FBXO31: variants seen among roughly 807,000 people sequenced by gnomAD.
FBXO31 encodes the protein F-box only protein 31.
Under a neutral mutation model 54.4 loss-of-function variants are expected in FBXO31, and 24 were observed. The ratio of observed to expected loss-of-function variants is 0.44; its 90% CI spans 0.32 to 0.62. The LOEUF is 0.62. Among genes scored for constraint, FBXO31 ranks in the 20% least tolerant of loss-of-function variants. FBXO31 has a pLI of 0.05. For synonymous variants in FBXO31, 388 were observed against 335.6 expected (o/e 1.16, Z -1.71); for missense variants, 665 against 787.1 (o/e 0.84, Z 1.86).
chr16:87,389,221 C>T (rs768590691), intron 1 of FBXO31, among the ~76,000 whole-genome samples: 20 of 152,144 alleles, frequency 1.3e-4, no homozygotes, highest in Non-Finnish European at 2.6e-4. Flanking sequence ...TATGAGCCAT[C>T]TTTAAACCCC....
rs536122266 is a variant in FBXO31 at position 87,344,988 on chromosome 16, C to T, written c.490-1223G>A. Among the ~76,000 whole-genome samples the T allele has an allele frequency of 1.1e-3, 162 of 152,186 alleles. 1 individual carries two copies. The highest frequency in any genetic ancestry group is 1.5e-3 in the Non-Finnish European group (101 of 67,968). ...GGCAGAGCCCATCCCTGCCCCGAAC[C>T]CCACCTGGGGGCAGAGCCCATCCCT... On this transcript the variant is annotated intron_variant, in intron 3 of 8. Coordinates refer to ENST00000311635, the MANE Select transcript of FBXO31 (RefSeq NM_024735.5).
intron 5 of FBXO31, among the ~76,000 whole-genome samples, chr16:87,342,316 A>T (rs1298410180): frequency 6.6e-6 from 1 of 152,090 alleles, no homozygotes; most frequent in African/African-American, 2.4e-5. Flanking sequence ...CAGCCTCCCA[A>T]AGAGCTGGGA....
intron 5 of FBXO31, among the ~76,000 whole-genome samples, chr16:87,337,724 G>A (rs1650635233): frequency 6.6e-6 from 1 of 151,936 alleles, no homozygotes; most frequent in South Asian, 2.1e-4. Flanking sequence ...TGGAGAAGAA[G>A]GAACCACGAC....
In FBXO31 at chr16:87,335,275, C is replaced by A. The variant is rs1208406407; in HGVS notation, c.996+29G>T. ...CCACTTGGGCCAGGTGCCCCCAGAG[C>A]CCCACCAACCAGGTCAGCCGCCACT... is the stretch of plus-strand genomic sequence containing the variant. On this transcript the variant is annotated intron_variant, in intron 7 of 8. Transcript: ENST00000311635. The surrounding 1 kb of genome is among the most constrained non-coding windows in gnomAD (Gnocchi z 5.7). 1.9e-6 allele frequency: 3 copies of A among 1,610,888 alleles called. No individual in the cohort carries two copies. The highest frequency in any genetic ancestry group is 3.3e-5 in the Admixed American group (2 of 60,028).
At chr16:87,376,821 G>C (rs897941043) in intron 1 of FBXO31, among the ~76,000 whole-genome samples, 4 of 152,194 alleles carry the variant, frequency 2.6e-5, no homozygotes, top group Non-Finnish European at 5.9e-5. Context: ...TTTCTCACTT[G>C]AACTGGCCTG....
chr16:87,343,373 TCTAA>T (rs1184768385), intron 4 of FBXO31, among the ~76,000 whole-genome samples: 6 of 152,220 alleles, frequency 3.9e-5, no homozygotes, highest in Non-Finnish European at 7.3e-5. Flanking sequence ...AAACAGCGGC[TCTAA>T]CTGAGAGCAG....
chr16:87,336,332 C>T lies in FBXO31; in HGVS notation c.733-68G>A, dbSNP rs758654115. On this transcript the variant is annotated intron_variant, in intron 5 of 8. Transcript: ENST00000311635. This position sits in a 1 kb window ranked among gnomAD's most constrained non-coding sequence, Gnocchi z 6.5. Reference sequence around the variant, plus strand: ...GCTGTGAAGAGGCTGCCGGCTGTGCCGCTGAGAGGACACAGTGTGTCCTTC... The same window carrying T: ...GCTGTGAAGAGGCTGCCGGCTGTGCTGCTGAGAGGACACAGTGTGTCCTTC... 8.6e-6 allele frequency: 12 copies of T among 1,402,144 alleles called. No homozygotes were observed. Among genetic ancestry groups the T allele is most frequent in the African/African-American group, 1.4e-5 (1 of 71,018 alleles). 86.9% of individuals were successfully genotyped at this position (1,402,144 alleles called of 1,614,324 possible).
At position 87,331,020 on chromosome 16, in the gene FBXO31, G is replaced by C. The variant is rs1054922798; in HGVS notation, c.*268C>G. 2.4e-6 allele frequency: 1 copy of C among 416,532 alleles called. No individual in the cohort carries two copies. The highest frequency in any genetic ancestry group is 2.0e-5 in the African/African-American group (1 of 49,704). 25.8% of individuals were successfully genotyped at this position (416,532 alleles called of 1,614,324 possible). A position where few individuals can be genotyped will look rare whatever the true frequency, so the allele number is the denominator to read the frequency against. On this transcript the variant is annotated 3_prime_UTR_variant, in exon 9 of 9. Coordinates refer to ENST00000311635, the MANE Select transcript of FBXO31 (RefSeq NM_024735.5). ...CGCTTCAATTCTCACGCGGTCCCAC[G>C]GCTGTCCCCTACATCTGCTGTATTC...
Position 87,333,608 on chromosome 16 carries a change from G to A in FBXO31, c.1397+278C>T, listed in dbSNP as rs1294335882. Among the ~76,000 whole-genome samples the A allele has an allele frequency of 2.6e-5, 4 of 152,344 alleles. No individual in the cohort carries two copies. The East Asian group carries it at 5.8e-4, about 22-fold the overall frequency. On this transcript the variant is annotated intron_variant, in intron 8 of 8. Transcript: ENST00000311635. The stretch of plus-strand genomic sequence containing the variant: ...GGGAGCGGCACTATTGCAGGGATGT[G>A]AGGCATCTGGAAGCCTCATGCCCCT...
rs1405832980 is a variant in FBXO31 at position 87,331,163 on chromosome 16, G to GC, written c.*124dup. 4 of 862,226 alleles carry GC rather than the reference G, an allele frequency of 4.6e-6. No individual in the cohort carries two copies. The highest frequency in any genetic ancestry group is 3.6e-6 in the Non-Finnish European group (2 of 549,654). The allele number at this position is 862,226 out of a possible 1,614,324, so 53.4% of individuals were successfully genotyped here. The stretch of plus-strand genomic sequence containing the variant: ...AAGTGCTGGGGGGTGGCTGGACTGG[G>GC]CCCCCCGACGAGGTGTGCGTTCTGG... On this transcript the variant is annotated 3_prime_UTR_variant, in exon 9 of 9. Coordinates refer to ENST00000311635, the MANE Select transcript of FBXO31 (RefSeq NM_024735.5).
At chr16:87,375,123 G>A (rs1221443808) in intron 1 of FBXO31, among the ~76,000 whole-genome samples, 2 of 152,106 alleles carry the variant, frequency 1.3e-5, no homozygotes, top group East Asian at 1.9e-4. Flanking sequence ...TCAAGAACAC[G>A]GTTAAACCCC....
At chr16:87,356,439 C>T (rs1905895894) in intron 2 of FBXO31, among the ~76,000 whole-genome samples, 1 of 152,066 alleles carries the variant, frequency 6.6e-6, no homozygotes, top group African/African-American at 2.4e-5. Flanking sequence ...CGGCCCCTTC[C>T]AGCCCCGTGT....
chr16:87,334,350 C>G (rs369625886), intron 7 of FBXO31, 64 bp from the exon 8 acceptor site: 2 of 1,453,972 alleles, frequency 1.4e-6, no homozygotes, highest in Non-Finnish European at 1.8e-6. Context: ...ACTGTGTGGG[C>G]TCCAGCCCAG....
intron 2 of FBXO31, among the ~76,000 whole-genome samples, chr16:87,352,236 G>A (rs116255390): frequency 1.1e-4 from 16 of 152,204 alleles, no homozygotes; most frequent in African/African-American, 3.6e-4. Context: ...CAATCTAGGA[G>A]GCTAAACAAC....
chr16:87,335,498 GC>G lies in FBXO31; in HGVS notation c.843-42del. On this transcript the variant is annotated intron_variant, in intron 6 of 8. Transcript: ENST00000311635. This position sits in a 1 kb window ranked among gnomAD's most constrained non-coding sequence, Gnocchi z 5.7. ...GGGTCAGTACAGGAGACCTCGTGGG[GC>G]AGGCAGGACTGAGAACGCCCAAGGT... 1 of 1,578,746 alleles carries G rather than the reference GC, an allele frequency of 6.3e-7. No homozygotes were observed. Among genetic ancestry groups the G allele is most frequent in the African/African-American group, 1.3e-5 (1 of 74,592 alleles).
chr16:87,365,846 G>A (rs975552098), intron 1 of FBXO31, among the ~76,000 whole-genome samples: 2 of 152,106 alleles, frequency 1.3e-5, no homozygotes, highest in Non-Finnish European at 2.9e-5. Flanking sequence ...TGGCCAACAT[G>A]ATGAAACCCG....
chr16:87,335,465 G>A lies in FBXO31; in HGVS notation c.843-8C>T. On this transcript the variant is annotated splice_region_variant and splice_polypyrimidine_tract_variant and intron_variant, in intron 6 of 8. Coordinates refer to ENST00000311635, the MANE Select transcript of FBXO31 (RefSeq NM_024735.5). The surrounding 1 kb of genome is among the most constrained non-coding windows in gnomAD (Gnocchi z 5.7). ...CGGTAGGTCAGGCAGTTGCTGTGGG[G>A]AGCGGACGGGTCAGTACAGGAGACC... is the stretch of plus-strand genomic sequence containing the variant. The A allele has an allele frequency of 1.9e-6, 3 of 1,610,814 alleles. No individual in the cohort carries two copies. Among genetic ancestry groups the A allele is most frequent in the Non-Finnish European group, 2.5e-6 (3 of 1,179,362 alleles).
chr16:87,384,012 A>G (rs1390689436), upstream of FBXO31: 2 of 211,598 alleles, frequency 9.5e-6, no homozygotes, highest in African/African-American at 4.7e-5. Context: ...CCGAGTGCAA[A>G]ACGTTAGACT....
Position 87,383,005 on chromosome 16 carries a change from CAG to C in FBXO31, c.340+398_340+399del, listed in dbSNP as rs1597382156. Among the ~76,000 whole-genome samples the C allele has an allele frequency of 6.6e-6, 1 of 152,288 alleles. No homozygotes were observed. Among genetic ancestry groups the C allele is most frequent in the East Asian group, 1.9e-4 (1 of 5,154 alleles). On this transcript the variant is annotated intron_variant, in intron 1 of 8. Coordinates refer to ENST00000311635, the MANE Select transcript of FBXO31 (RefSeq NM_024735.5). This position sits in a 1 kb window ranked among gnomAD's most constrained non-coding sequence, Gnocchi z 4.9. ...GGGCACCCTCGGCTCGCCTTCAAGACAGGGGCAGAGGAGGCGGCCCCCAGGCG... is the reference window on the plus strand; with the variant it reads ...GGGCACCCTCGGCTCGCCTTCAAGACGGGCAGAGGAGGCGGCCCCCAGGCG...
Sources: allele counts gnomAD v4.1 joint callset (sites outside exome capture counted in the v4.1 genomes callset), GRCh38; gene constraint gnomAD v4.1.1; non-coding constraint Gnocchi (gnomAD v3.1); transcripts MANE v1.5; gene names NCBI Gene and HGNC (gene_info 2026-07-23, HGNC 2026-07-21).